Variants in TMTC1 observed in about 807,000 individuals in gnomAD.
TMTC1 encodes the protein protein O-mannosyl-transferase TMTC1.
TMTC1 carries 73 observed loss-of-function variants against 104.8 expected under a neutral mutation model. That is an observed-to-expected ratio of 0.70 (90% CI 0.58 to 0.85). The LOEUF (loss-of-function observed/expected upper bound fraction) is 0.85. Ranked by LOEUF, TMTC1 falls within the 40% of genes least tolerant of loss-of-function variation. The pLI, the probability that TMTC1 is intolerant of heterozygous loss-of-function variation, is 0.00. For synonymous variants in TMTC1, 434 were observed against 428.7 expected (o/e 1.01, Z -0.15); for missense variants, 1,035 against 1,096.1 (o/e 0.94, Z 0.79).
intron 4 of TMTC1, among the ~76,000 whole-genome samples, chr12:29,753,891 T>C (rs932112886): frequency 7.2e-5 from 11 of 152,174 alleles, no homozygotes; most frequent in African/African-American, 2.7e-4. Flanking sequence ...GTTTTGAGAC[T>C]GAGTCTCCCT....
intron 10 of TMTC1, among the ~76,000 whole-genome samples, chr12:29,552,475 C>T (rs1363187395): frequency 1.3e-5 from 2 of 152,142 alleles, no homozygotes; most frequent in African/African-American, 4.8e-5. Flanking sequence ...GTATGGCTCT[C>T]ATTTCTACTG....
chr12:29,768,158 T>C, intron 1 of TMTC1, 83 bp from the exon 2 acceptor site: 1 of 1,008,100 alleles, frequency 9.9e-7, no homozygotes, highest in South Asian at 1.8e-5. Flanking sequence ...GAATCCATCA[T>C]TTAAAAAGAT....
chr12:29,520,746 A>G (rs751768262), intron 11 of TMTC1, 26 bp from the exon 12 acceptor site: 17 of 1,571,796 alleles, frequency 1.1e-5, no homozygotes, highest in East Asian at 4.5e-5. Context: ...AACAAACAAA[A>G]TAAGTGAGAA....
intron 11 of TMTC1, among the ~76,000 whole-genome samples, chr12:29,527,838 G>C (rs1944392468): frequency 6.6e-6 from 1 of 152,022 alleles, no homozygotes; most frequent in Admixed American, 6.6e-5. Context: ...TCCATTAGCT[G>C]AGCTGATTTT....
chr12:29,662,653 C>T (rs1005914701), intron 5 of TMTC1, among the ~76,000 whole-genome samples: 5 of 111,486 alleles, frequency 4.5e-5, no homozygotes, highest in Admixed American at 1.0e-4. Flanking sequence ...GGTGACAGAG[C>T]GAGACTCCGT....
chr12:29,734,605 A>T (rs907472589), intron 5 of TMTC1, among the ~76,000 whole-genome samples: 1 of 152,196 alleles, frequency 6.6e-6, no homozygotes, highest in Admixed American at 6.5e-5. Flanking sequence ...TCATATTTTT[A>T]AAATACCTGA....
At chr12:29,742,520 A>C (rs1034964232) in intron 5 of TMTC1, among the ~76,000 whole-genome samples, 1 of 152,204 alleles carries the variant, frequency 6.6e-6, no homozygotes, top group Non-Finnish European at 1.5e-5. Flanking sequence ...ACAAATCTAC[A>C]AAATGAAACA....
chr12:29,549,855 C>T (rs551551138), intron 10 of TMTC1, among the ~76,000 whole-genome samples: 1 of 152,238 alleles, frequency 6.6e-6, no homozygotes, highest in East Asian at 1.9e-4. Flanking sequence ...ACAGCTCTTA[C>T]CCCTAATCAT....
intron 7 of TMTC1, among the ~76,000 whole-genome samples, chr12:29,590,805 A>T (rs1186897470): frequency 6.6e-6 from 1 of 152,144 alleles, no homozygotes; most frequent in Non-Finnish European, 1.5e-5. Flanking sequence ...AAACAAAAAA[A>T]CAAAAACAAA....
At chr12:29,597,510 C>G (rs1450380723) in intron 7 of TMTC1, among the ~76,000 whole-genome samples, 1 of 151,942 alleles carries the variant, frequency 6.6e-6, no homozygotes, top group Non-Finnish European at 1.5e-5. Flanking sequence ...GAGAGCCTGT[C>G]CCATGGCAGA....
intron 5 of TMTC1, among the ~76,000 whole-genome samples, chr12:29,703,014 C>T (rs1025512772): frequency 6.6e-6 from 1 of 151,736 alleles, no homozygotes; most frequent in African/African-American, 2.4e-5. Flanking sequence ...CACGGTGGCG[C>T]GTGCCTATAA....
At chr12:29,660,480 C>T (rs1156315192) in intron 5 of TMTC1, among the ~76,000 whole-genome samples, 1 of 152,116 alleles carries the variant, frequency 6.6e-6, no homozygotes, top group African/African-American at 2.4e-5. Flanking sequence ...GTTTGTTATG[C>T]AGCAATAGAC....
chr12:29,780,224 GC>G (rs1943801902), intron 1 of TMTC1, among the ~76,000 whole-genome samples: 1 of 152,152 alleles, frequency 6.6e-6, no homozygotes, highest in Non-Finnish European at 1.5e-5. Flanking sequence ...CTTTATCCCA[GC>G]CAAAAGTTGG....
intron 5 of TMTC1, among the ~76,000 whole-genome samples, chr12:29,656,164 C>T (rs1266744686): frequency 1.3e-5 from 2 of 151,954 alleles, no homozygotes; most frequent in South Asian, 2.1e-4. Context: ...CACCAGCCTA[C>T]GACAGGACAA....
intron 5 of TMTC1, among the ~76,000 whole-genome samples, chr12:29,669,026 G>A (rs1027703660): frequency 2.6e-5 from 4 of 152,164 alleles, no homozygotes; most frequent in African/African-American, 4.8e-5. Context: ...CTGGGAGGGC[G>A]TCACTGTGTG....
chr12:29,658,774 T>G (rs1469229153), intron 5 of TMTC1: 1 of 178,530 alleles, frequency 5.6e-6, no homozygotes, highest in African/African-American at 2.4e-5. Flanking sequence ...GGGGTGCCTC[T>G]CCTCTTTTTC....
intron 5 of TMTC1, chr12:29,640,916 G>C (rs1197068713): frequency 6.6e-6 from 1 of 152,258 alleles, no homozygotes; most frequent in African/African-American, 2.4e-5. Flanking sequence ...TGGTGGGAGT[G>C]AGACCAGCCC....
chr12:29,520,578 G>T, intron 12 of TMTC1, 40 bp downstream of exon 12: 1 of 1,492,760 alleles, frequency 6.7e-7, no homozygotes, highest in Non-Finnish European at 9.3e-7. Context: ...AATTGTATTA[G>T]CTAATCTCAG....
At chr12:29,746,849 C>T (rs1039105277) in intron 5 of TMTC1, among the ~76,000 whole-genome samples, 17 of 152,078 alleles carry the variant, frequency 1.1e-4, no homozygotes, top group African/African-American at 3.9e-4. Flanking sequence ...AAAAGGAGTT[C>T]GTTTTATGTA....
Sources: allele counts gnomAD v4.1 joint callset (sites outside exome capture counted in the v4.1 genomes callset), GRCh38; gene constraint gnomAD v4.1.1; transcripts MANE v1.5; gene names NCBI Gene and HGNC (gene_info 2026-07-23, HGNC 2026-07-21).